Variants in PRKG1 observed in about 807,000 individuals in gnomAD.
PRKG1 encodes the protein protein kinase cGMP-dependent 1.
PRKG1 carries 35 observed loss-of-function variants against 88.1 expected under a neutral mutation model. The observed-to-expected ratio is 0.40, with a 90% CI of 0.30 to 0.53. The LOEUF is 0.53. PRKG1 is among the 20% of genes least tolerant of loss of function. The pLI, the probability that PRKG1 is intolerant of heterozygous loss-of-function variation, is 0.59. For missense variants in PRKG1, 540 were observed against 839.8 expected (o/e 0.64, Z 4.41); for synonymous variants, 303 against 292.5 (o/e 1.04, Z -0.37).
In PRKG1 at chr10:51,048,450, T is replaced by C. The variant is rs373935330; in HGVS notation, c.266+56806T>C. Among the ~76,000 whole-genome samples, 8 of 152,298 alleles carry C rather than the reference T, an allele frequency of 5.3e-5. No individual in the cohort carries two copies. The East Asian group carries it at 1.5e-3, about 29-fold the overall frequency. On this transcript the variant is annotated intron_variant, in intron 1 of 17. Coordinates refer to the PRKG1 transcript ENST00000401604. ...AAAGTAACCCAAATCCCACTAGCAC[T>C]GTTTTCCATGTTGTGGGCTAGTTTC...
At chr10:51,133,852 TA>T (rs1186430595) in intron 1 of PRKG1, among the ~76,000 whole-genome samples, 1 of 152,144 alleles carries the variant, frequency 6.6e-6, no homozygotes, top group Non-Finnish European at 1.5e-5. Context: ...AAAAATATAT[TA>T]AAAAGATAAA....
At chr10:51,608,515 T>C (rs1838823814) in intron 3 of PRKG1, among the ~76,000 whole-genome samples, 1 of 152,182 alleles carries the variant, frequency 6.6e-6, no homozygotes. Context: ...ACGATCTGCT[T>C]AAATGATTTT....
intron 2 of PRKG1, chr10:51,302,518 C>T (rs1306726674): frequency 6.7e-6 from 1 of 149,892 alleles, no homozygotes; most frequent in African/African-American, 2.5e-5. Flanking sequence ...TTCTTTCAGG[C>T]CAATATTTTT....
intron 3 of PRKG1, among the ~76,000 whole-genome samples, chr10:51,680,371 G>A (rs1299509555): frequency 6.6e-6 from 1 of 151,750 alleles, no homozygotes; most frequent in East Asian, 1.9e-4. Context: ...CCCGCCCTGT[G>A]GGGTGCTTTC....
intron 6 of PRKG1, among the ~76,000 whole-genome samples, chr10:52,056,652 C>T (rs1307971316): frequency 1.3e-5 from 2 of 152,120 alleles, no homozygotes; most frequent in East Asian, 3.8e-4. Context: ...CATTCAAGAT[C>T]TTTTACTTTA....
intron 2 of PRKG1, among the ~76,000 whole-genome samples, chr10:51,223,792 G>C (rs1318630178): frequency 6.6e-6 from 1 of 152,132 alleles, no homozygotes; most frequent in East Asian, 1.9e-4. Context: ...AAGTAGACTT[G>C]ACAGATAAAA....
At chr10:52,239,321 T>C (rs1356355823) in intron 9 of PRKG1, among the ~76,000 whole-genome samples, 5 of 116,776 alleles carry the variant, frequency 4.3e-5, no homozygotes, top group Non-Finnish European at 7.1e-5. Flanking sequence ...TAAAGTATAA[T>C]AAAAAAAAAT....
chr10:51,893,569 T>C (rs2132913093), intron 4 of PRKG1, among the ~76,000 whole-genome samples: 1 of 152,296 alleles, frequency 6.6e-6, no homozygotes, highest in African/African-American at 2.4e-5. Context: ...CTTCATTGCA[T>C]TTGGCTTTAT....
intron 3 of PRKG1, among the ~76,000 whole-genome samples, chr10:51,570,838 C>T (rs1035152939): frequency 6.6e-5 from 10 of 152,010 alleles, no homozygotes; most frequent in Non-Finnish European, 1.0e-4. Context: ...ATTGTTTGTA[C>T]TAGCTATCCT....
At chr10:51,393,240 T>C (rs1837485011) in intron 2 of PRKG1, among the ~76,000 whole-genome samples, 1 of 144,150 alleles carries the variant, frequency 6.9e-6, no homozygotes, top group South Asian at 2.3e-4. Flanking sequence ...GGGGCAGAGA[T>C]GCTCCCCACA....
Position 51,557,350 on chromosome 10 carries a change from C to G in PRKG1, c.592+89514C>G, listed in dbSNP as rs1034725987. ...GGGCACCGGCATACACCACCACCCC[C>G]CCACCACCCACACACAAAAACTCAT... On this transcript the variant is annotated intron_variant, in intron 3 of 17. Coordinates refer to ENST00000373980, the MANE Select transcript of PRKG1 (RefSeq NM_006258.4). 2.0e-5 allele frequency among the ~76,000 whole-genome samples: 3 copies of G among 151,854 alleles called. No individual in the cohort carries two copies. The East Asian group carries it at 5.8e-4, about 30-fold the overall frequency.
intron 4 of PRKG1, among the ~76,000 whole-genome samples, chr10:51,833,863 C>T (rs1485846224): frequency 6.6e-6 from 1 of 152,110 alleles, no homozygotes; most frequent in Non-Finnish European, 1.5e-5. Context: ...CCTTCTTTTC[C>T]TCCACTCCAG....
chr10:51,092,446 AG>A (rs769866487), intron 1 of PRKG1, among the ~76,000 whole-genome samples: 6 of 152,280 alleles, frequency 3.9e-5, no homozygotes, highest in Admixed American at 1.3e-4. Flanking sequence ...TCTCTAAAGT[AG>A]GTGGTCCCAA....
At chr10:51,766,551 G>C (rs894679627) in intron 3 of PRKG1, among the ~76,000 whole-genome samples, 7 of 151,950 alleles carry the variant, frequency 4.6e-5, no homozygotes, top group East Asian at 1.9e-4. Flanking sequence ...GCTGTTTTTT[G>C]TTTGAAATAA....
chr10:51,411,736 G>A (rs1192752807), intron 2 of PRKG1, among the ~76,000 whole-genome samples: 1 of 152,144 alleles, frequency 6.6e-6, no homozygotes, highest in Admixed American at 6.5e-5. Context: ...CCTTCAGCCA[G>A]AACAGAGCAA....
intron 3 of PRKG1, among the ~76,000 whole-genome samples, chr10:51,606,971 C>A (rs1448622213): frequency 6.6e-6 from 1 of 152,080 alleles, no homozygotes; most frequent in Non-Finnish European, 1.5e-5. Context: ...ATTGAATAGG[C>A]CCAGATTACC....
At chr10:51,331,048 A>G (rs1841727991) in intron 2 of PRKG1, among the ~76,000 whole-genome samples, 1 of 152,100 alleles carries the variant, frequency 6.6e-6, no homozygotes, top group Non-Finnish European at 1.5e-5. Flanking sequence ...AGGCCAGGAC[A>G]GATGTGGCTA....
At chr10:51,597,096 C>T (rs1396932018) in intron 3 of PRKG1, among the ~76,000 whole-genome samples, 1 of 152,030 alleles carries the variant, frequency 6.6e-6, no homozygotes, top group Non-Finnish European at 1.5e-5. Context: ...TTTTCAATTT[C>T]CTTTCAAATT....
chr10:51,041,554 G>C (rs1263720516), intron 1 of PRKG1, among the ~76,000 whole-genome samples: 1 of 152,062 alleles, frequency 6.6e-6, no homozygotes, highest in East Asian at 2.0e-4. Context: ...ATACTGCCAG[G>C]AGTAGGACCT....
Sources: allele counts gnomAD v4.1 joint callset (sites outside exome capture counted in the v4.1 genomes callset), GRCh38; gene constraint gnomAD v4.1.1; transcripts MANE v1.5; gene names NCBI Gene and HGNC (gene_info 2026-07-23, HGNC 2026-07-21).